The following CIC variants were observed in gnomAD, a reference collection of about 807,000 sequenced individuals.
CIC encodes the protein capicua transcriptional repressor.
Under a neutral mutation model 115.7 loss-of-function variants are expected in CIC, and 18 were observed. That is an observed-to-expected ratio of 0.16 (90% CI 0.11 to 0.23). The LOEUF (loss-of-function observed/expected upper bound fraction) is 0.23, where lower values mean the gene tolerates loss of function less well. Ranked by LOEUF, CIC falls within the 10% of genes least tolerant of loss-of-function variation. CIC has a pLI of 1.00. For synonymous variants in CIC, 1,076 were observed against 923.0 expected, an observed-to-expected ratio of 1.17 and a Z score of -3.01; for missense variants, 2,000 against 2,159.3, an observed-to-expected ratio of 0.93 and a Z score of 1.46.
intron 16 of CIC, 124 bp from the exon 17 acceptor site, chr19:42,293,468 G>C: frequency 6.6e-7 from 1 of 1,517,136 alleles, no homozygotes; most frequent in Non-Finnish European, 9.0e-7. Flanking sequence ...TGGCCTTCCT[G>C]AGGCCGTGTG....
chr19:42,290,991 C>T lies in CIC; in HGVS notation c.4950C>T (p.Ala1650=). Residue 1650 remains alanine (A), a synonymous_variant, in exon 11 of 21, where the codon GCC becomes GCT. Transcript: ENST00000681038. ...AGTCGGCAGCAGCCACCTCACCAGC[C>T]CCACACTTGGTGGCTGGACCCCTGC... ...DKKSAAATSP[A]PHLVAGPLLG... 1.2e-6 allele frequency: 2 copies of T among 1,613,830 alleles called. No individual in the cohort carries two copies. The highest frequency in any genetic ancestry group is 1.1e-5 in the South Asian group (1 of 91,084).
chr19:42,294,620 C>T lies in CIC; in HGVS notation c.7071C>T (p.Asp2357=), dbSNP rs377587490. 12 of 1,613,514 alleles carry T rather than the reference C, an allele frequency of 7.4e-6. No homozygotes were observed. The highest frequency in any genetic ancestry group is 2.2e-5 in the East Asian group (1 of 44,880). ...CCTGCACAGGTACAGAAGCCGAGGA[C>T]GTGCTTGGGGAGCTAGAGTATGACA... ...TFDRTGTEAE[D]VLGELEYDKV... The change falls in exon 20 of 21, where the codon GAC becomes GAT. Residue 2357 remains aspartate (D), a synonymous_variant. Transcript: ENST00000681038.
rs998840708 is a variant in CIC at position 42,288,081 on chromosome 19, A to G, written c.3658+106A>G. On this transcript the variant is annotated intron_variant, in intron 7 of 20. Transcript: ENST00000681038. Reference sequence around the variant, plus strand: ...TGCCCCAGCAGCTCCTCTCTGCTCTATCGCTTTAATTTGGCGACCCTTATC... The same window carrying G: ...TGCCCCAGCAGCTCCTCTCTGCTCTGTCGCTTTAATTTGGCGACCCTTATC... 1.6e-5 allele frequency: 22 copies of G among 1,337,848 alleles called. 1 individual carries two copies. The highest frequency in any genetic ancestry group is 1.4e-4 in the South Asian group (11 of 78,652). 82.9% of individuals were successfully genotyped at this position (1,337,848 alleles called of 1,614,324 possible).
At position 42,290,740 on chromosome 19, in the gene CIC, G is replaced by T. The variant is rs951018786; in HGVS notation, c.4699G>T (p.Gly1567Trp). The change falls in exon 11 of 21, where the codon GGG (glycine) becomes TGG (tryptophan). Residue 1567 changes from glycine (G) to tryptophan (W), a missense_variant. By Grantham distance (184) the Gly-to-Trp change is radical. Around this residue, in one of 8 missense-constraint regions of CIC, gnomAD observed 1,466 missense variants for 1,390.4 expected, o/e 1.05. Coordinates refer to ENST00000681038, the MANE Select transcript of CIC (RefSeq NM_001386298.1). ...PSAPAPSLAY[G>W]APAAPLSRPA... ...CGCCCCCGCCCCATCACTGGCCTAT[G>T]GGGCCCCAGCAGCTCCCCTGTCCCG... 2 of 1,612,534 alleles carry T rather than the reference G, an allele frequency of 1.2e-6. No individual in the cohort carries two copies. The highest frequency in any genetic ancestry group is 1.7e-4 in the Middle Eastern group (1 of 6,050).
At chr19:42,284,171 T>A (rs1245692882) in intron 2 of CIC, 1 of 143,644 alleles carries the variant, frequency 7.0e-6, no homozygotes. Context: ...GCGCTGAGCC[T>A]CGGGCCCGGG....
At chr19:42,286,572 C>CT (rs2037658986) in intron 2 of CIC, among the ~76,000 whole-genome samples, 199 bp from the exon 3 acceptor site, 1 of 142,290 alleles carries the variant, frequency 7.0e-6, no homozygotes, top group Non-Finnish European at 1.5e-5. Context: ...CTTCTGTTTT[C>CT]TTTTTTATAA....
rs2038174524 is a variant in CIC at position 42,292,200 on chromosome 19, T to C, written c.5728T>C (p.Ser1910Pro). 1 of 1,613,924 alleles carries C rather than the reference T, an allele frequency of 6.2e-7. No homozygotes were observed. Among genetic ancestry groups the C allele is most frequent in the Non-Finnish European group, 8.5e-7 (1 of 1,180,000 alleles). ...GCCTCAGAAGGTCCTGTTGCCCTCC[T>C]CCACCAGGTAATTGCAGCTGAGCCC... The part of the protein sequence containing the change: ...SQPQKVLLPS[S>P]TRITYVQSAG... Residue 1910 changes from serine (S) to proline (P), a missense_variant, in exon 13 of 21, where the codon TCC becomes CCC. Physicochemically the swap from Ser to Pro is moderately conservative, Grantham distance 74. Transcript: ENST00000681038.
chr19:42,289,373 A>G lies in CIC; in HGVS notation c.4054A>G (p.Ile1352Val). The G allele has an allele frequency of 6.2e-7, 1 of 1,607,412 alleles. No individual in the cohort carries two copies. The highest frequency in any genetic ancestry group is 8.5e-7 in the Non-Finnish European group (1 of 1,176,760). Residue 1352 changes from isoleucine (I) to valine (V), a missense_variant, in exon 9 of 21, where the codon ATC (isoleucine) becomes GTC (valine). By Grantham distance (29) the Ile-to-Val change is conservative. Transcript: ENST00000681038. The part of the protein sequence containing the change: ...DMTSDEERMV[I>V]CEEEGDDDVI... ...GACGAGTGATGAGGAGCGCATGGTC[A>G]TCTGTGAGGAGGAAGGGGATGATGA...
At chr19:42,279,250 C>T (rs1206572357) in intron 2 of CIC, among the ~76,000 whole-genome samples, 1 of 152,224 alleles carries the variant, frequency 6.6e-6, no homozygotes, top group Non-Finnish European at 1.5e-5. Context: ...TGAACCCTAT[C>T]TCCACCAGCA....
intron 2 of CIC, among the ~76,000 whole-genome samples, chr19:42,278,588 C>A (rs911195454): frequency 4.6e-5 from 7 of 152,204 alleles, no homozygotes; most frequent in African/African-American, 1.7e-4. Flanking sequence ...CAGCTGGCAT[C>A]CTGTGTCTCT....
Position 42,290,826 on chromosome 19 carries a change from C to A in CIC, c.4785C>A (p.Ile1595=), listed in dbSNP as rs536537730. ...VRPVSSTPVP[I]ASKPFPTSGR... is the part of the protein sequence containing the mutation. ...CTGTCAGCAGCACTCCTGTGCCCAT[C>A]GCCTCTAAGCCCTTCCCCACCTCTG... Residue 1595 remains isoleucine, a synonymous_variant, in exon 11 of 21, where the codon ATC becomes ATA. Transcript: ENST00000681038. The A allele has an allele frequency of 6.2e-7, 1 of 1,608,682 alleles. No homozygotes were observed. The highest frequency in any genetic ancestry group is 1.3e-5 in the African/African-American group (1 of 74,788).
In CIC at chr19:42,284,918, C is replaced by T. The variant is rs2147142870; in HGVS notation, c.2795-1853C>T. 1.7e-5 allele frequency: 13 copies of T among 755,908 alleles called. No homozygotes were observed. The South Asian group carries it at 2.0e-4, about 12-fold the overall frequency. 46.8% of individuals were successfully genotyped at this position (755,908 alleles called of 1,614,324 possible). ...GGAAAGTTACGGAGCTCGGCCGGGC[C>T]GAGTGGTTAGTGATGGCAGGTGGGA... On this transcript the variant is annotated intron_variant, in intron 2 of 20. Coordinates refer to ENST00000681038, the MANE Select transcript of CIC (RefSeq NM_001386298.1).
At chr19:42,288,512 AGGTTAGATG>A (rs2037827978) in intron 7 of CIC, among the ~76,000 whole-genome samples, 1 of 152,056 alleles carries the variant, frequency 6.6e-6, no homozygotes, top group African/African-American at 2.4e-5. Context: ...CAGTTCTGTG[AGGTTAGATG>A]GATAGTTGCT....
intron 2 of CIC, chr19:42,284,035 G>C (rs1011121370): frequency 6.2e-4 from 93 of 149,156 alleles, no homozygotes; most frequent in African/African-American, 2.1e-3. Context: ...AGGCGCGGCG[G>C]GGGGAGGGGA....
rs2147283063 is a variant in CIC at position 42,291,712 on chromosome 19, A to T, written c.5580A>T (p.Val1860=). 6.2e-7 allele frequency: 1 copy of T among 1,612,784 alleles called. No individual in the cohort carries two copies. The highest frequency in any genetic ancestry group is 8.5e-7 in the Non-Finnish European group (1 of 1,179,960). The change falls in exon 12 of 21, where the codon GTA becomes GTT. Residue 1860 remains valine (V), a synonymous_variant. Transcript: ENST00000681038. ...CACTGGTGAGCCCGCCCTTCTCAGT[A>T]CCTGTGCAGAATGGTGCCCAGCCCC... The part of the protein sequence containing the change: ...PLPLVSPPFS[V]PVQNGAQPPS...
intron 2 of CIC, among the ~76,000 whole-genome samples, chr19:42,278,554 C>T (rs1274060555): frequency 6.6e-6 from 1 of 152,150 alleles, no homozygotes; most frequent in East Asian, 1.9e-4. Flanking sequence ...AGCTTTCAGC[C>T]CACCCTCTTT....
In CIC at chr19:42,295,050, C is replaced by G. The variant is rs2038418050; in HGVS notation, c.7413C>G (p.Pro2471=). 1 of 1,543,190 alleles carries G rather than the reference C, an allele frequency of 6.5e-7. No individual in the cohort carries two copies. The highest frequency in any genetic ancestry group is 1.2e-5 in the South Asian group (1 of 85,908). ...SPAGGPDPTS[P]SSDSGTAQAA... Reference sequence around the variant, plus strand: ...CAGGGGGCCCTGACCCCACCTCACCCAGCTCGGACTCTGGCACGGCCCAGG... The same window carrying G: ...CAGGGGGCCCTGACCCCACCTCACCGAGCTCGGACTCTGGCACGGCCCAGG... The change falls in exon 21 of 21, where the codon CCC becomes CCG. Residue 2471 remains proline, a synonymous_variant. Transcript: ENST00000681038.
At position 42,294,837 on chromosome 19, in the gene CIC, C is replaced by T. The variant is rs148444899; in HGVS notation, c.7200C>T (p.Ala2400=). 3.9e-5 allele frequency: 62 copies of T among 1,602,048 alleles called. No individual in the cohort carries two copies. Among genetic ancestry groups the T allele is most frequent in the African/African-American group, 2.9e-4 (22 of 74,920 alleles). Reference sequence around the variant, plus strand: ...TTCTATCTCCAGCCCAGGCCACAGCCGCCTTCCAGGCCCGCTATGCAGACA... The same window carrying T: ...TTCTATCTCCAGCCCAGGCCACAGCTGCCTTCCAGGCCCGCTATGCAGACA... The part of the protein sequence containing the change: ...HGFFPSAQAT[A]AFQARYADIF... Residue 2400 remains alanine, a synonymous_variant, in exon 21 of 21, where the codon GCC becomes GCT. Coordinates refer to ENST00000681038, the MANE Select transcript of CIC (RefSeq NM_001386298.1).
At position 42,271,767 on chromosome 19, in the gene CIC, C is replaced by T; in HGVS notation, c.-10-7C>T. The T allele has an allele frequency of 2.5e-6, 1 of 398,702 alleles. No individual in the cohort carries two copies. Among genetic ancestry groups the T allele is most frequent in the Non-Finnish European group, 4.4e-6 (1 of 226,134 alleles). 24.7% of individuals were successfully genotyped at this position (398,702 alleles called of 1,614,324 possible). On this transcript the variant is annotated splice_polypyrimidine_tract_variant and splice_region_variant and intron_variant, in intron 1 of 20. Transcript: ENST00000681038. ...TCCGCGTAATCCTCCGCTCTCCCAC[C>T]CTGCAGGTGGACAAAAATGAAGCCA... is the stretch of plus-strand genomic sequence containing the variant.
Sources: gnomAD v4.1 joint callset for allele counts (sites outside exome capture counted in the v4.1 genomes callset) on GRCh38, gnomAD v4.1.1 for gene constraint, gnomAD v4.1.1 regional missense constraint, MANE v1.5 for transcripts, NCBI Gene and HGNC (gene_info 2026-07-23, HGNC 2026-07-21) for gene names.